Variants in CLIC5 observed in about 807,000 individuals in gnomAD.
CLIC5 encodes chloride intracellular channel protein 5.
CLIC5 carries 20 observed loss-of-function variants against 24.7 expected under a neutral mutation model. The ratio of observed to expected loss-of-function variants is 0.81; its 90% CI spans 0.57 to 1.18. The LOEUF (loss-of-function observed/expected upper bound fraction) is 1.18. Among genes scored for constraint, CLIC5 ranks in the 50% most tolerant of loss-of-function variants. The probability of loss-of-function intolerance (pLI) is 0.00; values close to 1 mark genes in which losing one functional copy is unlikely to be tolerated. For synonymous variants in CLIC5, 159 were observed against 135.6 expected (o/e 1.17, Z -1.20); for missense variants, 341 against 326.1 (o/e 1.05, Z -0.35).
Position 46,055,576 on chromosome 6 carries a change from T to C in CLIC5, c.540+24127A>G, listed in dbSNP as rs1190364355. ...TTTTGAAAAATTTCACTTTTTGATTTAATAATAGTTACTTGTAAATACAAA... is the reference window on the plus strand; with the variant it reads ...TTTTGAAAAATTTCACTTTTTGATTCAATAATAGTTACTTGTAAATACAAA... On this transcript the variant is annotated intron_variant, in intron 1 of 5. Transcript: ENST00000185206. Among the ~76,000 whole-genome samples, 5 of 152,204 alleles carry C rather than the reference T, an allele frequency of 3.3e-5. No individual in the cohort carries two copies. In the East Asian group the frequency reaches 9.6e-4, roughly 29 times the overall value.
chr6:45,881,214 T>C, intron 6 of CLIC5: 1 of 398,354 alleles, frequency 2.5e-6, no homozygotes, highest in Non-Finnish European at 4.4e-6. Context: ...CAACAGGATT[T>C]GAGTTGGAGC....
intron 1 of CLIC5, among the ~76,000 whole-genome samples, chr6:46,052,347 A>T (rs894655778): frequency 2.0e-5 from 3 of 152,222 alleles, no homozygotes; most frequent in African/African-American, 7.2e-5. Flanking sequence ...CTGTCTGCAG[A>T]TTATCCTGAG....
chr6:45,987,299 T>A (rs535939783), intron 1 of CLIC5, among the ~76,000 whole-genome samples: 1 of 152,190 alleles, frequency 6.6e-6, no homozygotes, highest in South Asian at 2.1e-4. Flanking sequence ...TGCTGCCCTT[T>A]AAAGTTAGAT....
chr6:46,051,844 C>T (rs1008442087), intron 1 of CLIC5, among the ~76,000 whole-genome samples: 1 of 152,070 alleles, frequency 6.6e-6, no homozygotes. Context: ...ATTCAATTTG[C>T]CTAATGGCAC....
chr6:46,007,877 CTTTT>C (rs1302916899), intron 1 of CLIC5, among the ~76,000 whole-genome samples: 8 of 147,838 alleles, frequency 5.4e-5, no homozygotes, highest in African/African-American at 1.5e-4. Context: ...GATCTTCTTT[CTTTT>C]GTTTGTTTGT....
chr6:46,020,663 A>T (rs1223729172), upstream of CLIC5, among the ~76,000 whole-genome samples: 2 of 152,046 alleles, frequency 1.3e-5, no homozygotes, highest in African/African-American at 4.8e-5. Flanking sequence ...AAGATCAATA[A>T]AGTTGATAAA....
At chr6:46,048,982 A>G (rs572620372) in intron 1 of CLIC5, among the ~76,000 whole-genome samples, 2 of 152,342 alleles carry the variant, frequency 1.3e-5, no homozygotes, top group Admixed American at 6.5e-5. Flanking sequence ...GAGTGGTCAG[A>G]GGCAAGGGAG....
At chr6:46,079,920 T>C in exon 1 of CLIC5, 4 of 1,551,818 alleles carry the variant, frequency 2.6e-6, no homozygotes, top group Non-Finnish European at 3.5e-6. Context: ...ATATAACCCT[T>C]CCATTGAGAT....
chr6:46,012,812 G>T (rs1199923246), intron 1 of CLIC5, among the ~76,000 whole-genome samples: 1 of 152,204 alleles, frequency 6.6e-6, no homozygotes. Context: ...AGCTCATCAA[G>T]TGCTCTGACA....
At chr6:45,912,721 C>T (rs768235570) in intron 5 of CLIC5, 2 of 1,534,882 alleles carry the variant, frequency 1.3e-6, no homozygotes, top group South Asian at 1.2e-5. Flanking sequence ...TATATCATCC[C>T]TTTCAGTGGT....
chr6:46,035,945 C>A (rs1767646895), intron 1 of CLIC5, among the ~76,000 whole-genome samples: 1 of 151,978 alleles, frequency 6.6e-6, no homozygotes, highest in African/African-American at 2.4e-5. Context: ...TGGGGTTTCA[C>A]CATGTTGGCC....
At chr6:45,971,248 T>C (rs951890144) in intron 1 of CLIC5, among the ~76,000 whole-genome samples, 7 of 152,246 alleles carry the variant, frequency 4.6e-5, no homozygotes, top group African/African-American at 1.7e-4. Context: ...TTTCCAGTTC[T>C]AGCAGAGATT....
chr6:46,055,015 T>C (rs555760610), intron 1 of CLIC5, among the ~76,000 whole-genome samples: 61 of 152,362 alleles, frequency 4.0e-4, no homozygotes, highest in African/African-American at 1.4e-3. Context: ...GATGTTCCCT[T>C]TTCTGTAAAC....
intron 1 of CLIC5, among the ~76,000 whole-genome samples, chr6:45,982,329 A>C (rs1765595271): frequency 6.6e-6 from 1 of 152,026 alleles, no homozygotes; most frequent in African/African-American, 2.4e-5. Flanking sequence ...TCTCTAAGGC[A>C]TTTCCAGTCC....
At chr6:46,028,326 C>G (rs1458490891) in intron 1 of CLIC5, among the ~76,000 whole-genome samples, 1 of 152,204 alleles carries the variant, frequency 6.6e-6, no homozygotes, top group Non-Finnish European at 1.5e-5. Flanking sequence ...GCTGACCATA[C>G]AGCATCACTC....
chr6:45,927,969 A>G (rs80273765), intron 4 of CLIC5, among the ~76,000 whole-genome samples: 301 of 152,300 alleles, frequency 2.0e-3, no homozygotes, highest in African/African-American at 6.9e-3. Flanking sequence ...GGTCTGGCTA[A>G]CAAGAGGAAT....
chr6:46,077,331 A>G (rs1296694946), intron 1 of CLIC5, among the ~76,000 whole-genome samples: 1 of 152,102 alleles, frequency 6.6e-6, no homozygotes, highest in East Asian at 1.9e-4. Context: ...AAATGAATAC[A>G]AGTATCAATG....
chr6:46,013,132 G>A (rs1353357175), intron 1 of CLIC5, among the ~76,000 whole-genome samples: 1 of 152,194 alleles, frequency 6.6e-6, no homozygotes, highest in African/African-American at 2.4e-5. Flanking sequence ...GTCCTTCCAA[G>A]GGGGTGTTGA....
At chr6:45,924,162 A>G (rs1164801891) in intron 4 of CLIC5, among the ~76,000 whole-genome samples, 4 of 152,254 alleles carry the variant, frequency 2.6e-5, no homozygotes, top group African/African-American at 7.2e-5. Context: ...GGCTCTGCTC[A>G]GTAAACATCG....
Sources: gnomAD v4.1 joint callset for allele counts (sites outside exome capture counted in the v4.1 genomes callset) on GRCh38, gnomAD v4.1.1 for gene constraint, MANE v1.5 for transcripts, NCBI Gene and HGNC (gene_info 2026-07-23, HGNC 2026-07-21) for gene names.